Variants in PARD3B observed in about 807,000 individuals in gnomAD.
PARD3B encodes the protein partitioning defective 3 homolog B.
Under a neutral mutation model 130.2 loss-of-function variants are expected in PARD3B, and 103 were observed. The observed-to-expected ratio is 0.79, with a 90% confidence interval of 0.67 to 0.93. The LOEUF (loss-of-function observed/expected upper bound fraction) is 0.93, where lower values mean the gene tolerates loss of function less well. Among genes scored for constraint, PARD3B ranks in the 40% least tolerant of loss-of-function variants. The pLI is 0.00. For missense variants in PARD3B, 1,609 were observed against 1,499.2 expected, an observed-to-expected ratio of 1.07 and a Z score of -1.21; for synonymous variants, 583 against 553.2, an observed-to-expected ratio of 1.05 and a Z score of -0.76.
At chr2:205,380,995 G>T (rs1347441951) in intron 18 of PARD3B, among the ~76,000 whole-genome samples, 3 of 83,634 alleles carry the variant, frequency 3.6e-5, no homozygotes, top group African/African-American at 1.3e-4. Flanking sequence ...AATATCTAAA[G>T]AATATATATA....
chr2:205,266,526 G>C (rs1156250626), intron 16 of PARD3B, among the ~76,000 whole-genome samples: 2 of 152,050 alleles, frequency 1.3e-5, no homozygotes, highest in African/African-American at 4.8e-5. Flanking sequence ...AGTTTTGAGA[G>C]AGTTAATACA....
intron 15 of PARD3B, among the ~76,000 whole-genome samples, chr2:205,204,461 C>T (rs2037171861): frequency 6.6e-6 from 1 of 152,134 alleles, no homozygotes; most frequent in Non-Finnish European, 1.5e-5. Flanking sequence ...TAATTAGATC[C>T]CATTTGTCAA....
At chr2:205,384,515 C>T (rs909822558) in intron 18 of PARD3B, among the ~76,000 whole-genome samples, 2 of 152,084 alleles carry the variant, frequency 1.3e-5, no homozygotes, top group African/African-American at 4.8e-5. Context: ...CAATGATGGA[C>T]TTATGGTCAG....
intron 2 of PARD3B, among the ~76,000 whole-genome samples, chr2:204,917,864 T>C (rs922777937): frequency 3.3e-5 from 5 of 152,178 alleles, no homozygotes; most frequent in African/African-American, 1.2e-4. Flanking sequence ...TTTTCTTTAA[T>C]TGTAAACTGA....
At chr2:204,738,409 A>G (rs1044433058) in intron 2 of PARD3B, among the ~76,000 whole-genome samples, 2 of 152,170 alleles carry the variant, frequency 1.3e-5, no homozygotes, top group Non-Finnish European at 2.9e-5. Flanking sequence ...ATTTTTGTGT[A>G]TATTGTAAAT....
chr2:205,546,803 TAGG>T lies in PARD3B; in HGVS notation c.3181-6518_3181-6516del, dbSNP rs550023656. On this transcript the variant is annotated intron_variant, in intron 21 of 22. Coordinates refer to ENST00000406610, the MANE Select transcript of PARD3B (RefSeq NM_001302769.2). The stretch of plus-strand genomic sequence containing the variant: ...CGAGTATTAAAAATTGATCAAATTA[TAGG>T]AGATTACATGAATTATGATTTCTCC... Among the ~76,000 whole-genome samples the T allele has an allele frequency of 2.3e-4, 35 of 152,324 alleles. 1 individual carries two copies. The East Asian group carries it at 5.0e-3, about 22-fold the overall frequency.
At chr2:205,084,354 T>C (rs946069226) in intron 4 of PARD3B, among the ~76,000 whole-genome samples, 1 of 152,088 alleles carries the variant, frequency 6.6e-6, no homozygotes, top group African/African-American at 2.4e-5. Context: ...AGAGGCTTGA[T>C]TGGATTCAGG....
intron 3 of PARD3B, among the ~76,000 whole-genome samples, chr2:205,007,783 T>C (rs1695393491): frequency 6.6e-6 from 1 of 152,248 alleles, no homozygotes; most frequent in African/African-American, 2.4e-5. Flanking sequence ...TTGGGCAGTA[T>C]GATCTCATTT....
intron 18 of PARD3B, among the ~76,000 whole-genome samples, chr2:205,374,485 A>G (rs1225381314): frequency 6.6e-6 from 1 of 152,104 alleles, no homozygotes; most frequent in Non-Finnish European, 1.5e-5. Flanking sequence ...CGCCTGCCTC[A>G]GCCTCCCAAA....
At chr2:205,367,265 G>T (rs2044644876) in intron 18 of PARD3B, among the ~76,000 whole-genome samples, 1 of 152,136 alleles carries the variant, frequency 6.6e-6, no homozygotes, top group African/African-American at 2.4e-5. Flanking sequence ...AGAAAGCTAA[G>T]AAGAAATACA....
chr2:205,208,375 C>T (rs1159760490), intron 15 of PARD3B, among the ~76,000 whole-genome samples: 591 of 118,096 alleles, frequency 5.0e-3, no homozygotes, highest in African/African-American at 9.4e-3. Context: ...CCAGGGCAAT[C>T]AGGCAGGAGA....
intron 10 of PARD3B, among the ~76,000 whole-genome samples, chr2:205,130,503 A>G (rs1559469411): frequency 6.6e-6 from 1 of 152,138 alleles, no homozygotes; most frequent in Non-Finnish European, 1.5e-5. Context: ...GAGAAGGAGA[A>G]AGTTATTTGC....
In PARD3B at chr2:204,975,537, G is replaced by A. The variant is rs546363961; in HGVS notation, c.394+10214G>A. Among the ~76,000 whole-genome samples the A allele has an allele frequency of 7.2e-5, 11 of 152,260 alleles. No homozygotes were observed. In the South Asian group the frequency reaches 1.5e-3, roughly 20 times the overall value. On this transcript the variant is annotated intron_variant, in intron 3 of 22. Coordinates refer to ENST00000406610, the MANE Select transcript of PARD3B (RefSeq NM_001302769.2). ...CCTTCTACCCAAATGAGTTCAGCAGGTGCACTGTTTAGAAGAATGTGTTGT... is the reference window on the plus strand; with the variant it reads ...CCTTCTACCCAAATGAGTTCAGCAGATGCACTGTTTAGAAGAATGTGTTGT...
chr2:205,454,997 T>C (rs1462468740), intron 20 of PARD3B, among the ~76,000 whole-genome samples: 1 of 152,132 alleles, frequency 6.6e-6, no homozygotes, highest in African/African-American at 2.4e-5. Flanking sequence ...TTTATATTAA[T>C]TAGTATTTAT....
intron 2 of PARD3B, among the ~76,000 whole-genome samples, chr2:204,898,950 T>G (rs2046747139): frequency 6.6e-6 from 1 of 152,176 alleles, no homozygotes; most frequent in Non-Finnish European, 1.5e-5. Context: ...CCTGCTCATT[T>G]TTGTCTTCCA....
In PARD3B at chr2:204,771,953, T is replaced by C. The variant is rs911879607; in HGVS notation, c.222+85671T>C. On this transcript the variant is annotated intron_variant, in intron 2 of 22. Transcript: ENST00000406610. ...GAAATTTTATGCACTAGTCTTTTTCTGTATTTGATTTTATAAAGTAACTTG... is the reference window on the plus strand; with the variant it reads ...GAAATTTTATGCACTAGTCTTTTTCCGTATTTGATTTTATAAAGTAACTTG... Among the ~76,000 whole-genome samples, 66 of 152,082 alleles carry C rather than the reference T, an allele frequency of 4.3e-4. 1 individual carries two copies. Among genetic ancestry groups the C allele is most frequent in the African/African-American group, 1.4e-3 (56 of 41,426 alleles).
chr2:205,378,533 T>C (rs551674239), intron 18 of PARD3B, among the ~76,000 whole-genome samples: 1 of 152,246 alleles, frequency 6.6e-6, no homozygotes, highest in South Asian at 2.1e-4. Context: ...ACTGAGGTAT[T>C]CTTACTCTGC....
intron 22 of PARD3B, among the ~76,000 whole-genome samples, chr2:205,581,232 A>ATATATATAGG (rs2053953534): frequency 1.6e-5 from 1 of 63,582 alleles, no homozygotes. Context: ...GGGTGGGGAG[A>ATATATATAGG]TATATATAGA....
chr2:204,985,633 G>A (rs916543285), intron 3 of PARD3B, among the ~76,000 whole-genome samples: 3 of 152,160 alleles, frequency 2.0e-5, no homozygotes, highest in Non-Finnish European at 4.4e-5. Flanking sequence ...TTCAGTGGCA[G>A]AGGGCCCACC....
Sources: allele counts gnomAD v4.1 joint callset (sites outside exome capture counted in the v4.1 genomes callset), GRCh38; gene constraint gnomAD v4.1.1; transcripts MANE v1.5; gene names NCBI Gene and HGNC (gene_info 2026-07-23, HGNC 2026-07-21).